FGF12: variants seen among roughly 807,000 people sequenced by gnomAD.
The protein encoded by FGF12 is fibroblast growth factor 12B.
A neutral mutation model predicts 23.6 loss-of-function variants in FGF12; 14 were observed. The observed-to-expected ratio is 0.59, with a 90% CI of 0.39 to 0.93. FGF12 has a LOEUF of 0.93. Ranked by LOEUF, FGF12 falls within the 40% of genes least tolerant of loss-of-function variation. FGF12 has a pLI of 0.00. For synonymous variants in FGF12, 62 were observed against 77.3 expected (o/e 0.80, Z 1.04); for missense variants, 175 against 217.8 (o/e 0.80, Z 1.24).
intron 2 of FGF12, among the ~76,000 whole-genome samples, chr3:192,592,846 C>A (rs1022011593): frequency 6.6e-6 from 1 of 151,740 alleles, no homozygotes; most frequent in African/African-American, 2.4e-5. Flanking sequence ...TATTTCCTGC[C>A]CATTAGGCAC....
chr3:192,488,020 T>C (rs1220717630), intron 2 of FGF12, among the ~76,000 whole-genome samples: 1 of 152,096 alleles, frequency 6.6e-6, no homozygotes, highest in African/African-American at 2.4e-5. Context: ...ACCATGCTCA[T>C]GCTTGCTGAC....
At chr3:192,228,064 T>G (rs1560200404) in intron 4 of FGF12, among the ~76,000 whole-genome samples, 1 of 152,034 alleles carries the variant, frequency 6.6e-6, no homozygotes. Context: ...GAGGAATAAG[T>G]TTTAGTGATC....
chr3:192,563,986 C>G (rs898448284), intron 2 of FGF12, among the ~76,000 whole-genome samples: 3 of 152,004 alleles, frequency 2.0e-5, no homozygotes, highest in Non-Finnish European at 4.4e-5. Flanking sequence ...TTCAACCTGT[C>G]CATATATTAG....
chr3:192,398,011 C>A lies in FGF12; in HGVS notation c.14-37473G>T, dbSNP rs112247684. Among the ~76,000 whole-genome samples the A allele has an allele frequency of 6.6e-5, 10 of 152,100 alleles. 1 individual carries two copies. The highest frequency in any genetic ancestry group is 1.9e-4 in the African/African-American group (8 of 41,474). ...CTTTATAATAACTTATACAACTTATCCGGGTTTATAGTTCTTCTTTCATGA... is the reference window on the plus strand; with the variant it reads ...CTTTATAATAACTTATACAACTTATACGGGTTTATAGTTCTTCTTTCATGA... On this transcript the variant is annotated intron_variant, in intron 2 of 5. Coordinates refer to ENST00000445105, the MANE Select transcript of FGF12 (RefSeq NM_004113.6).
At chr3:192,602,722 CAAAA>C (rs5855439) in intron 2 of FGF12, among the ~76,000 whole-genome samples, 331 of 125,682 alleles carry the variant, frequency 2.6e-3, no homozygotes, top group East Asian at 8.4e-3. Flanking sequence ...CACAAAGGCC[CAAAA>C]AAAAAAAAAA....
intron 2 of FGF12, among the ~76,000 whole-genome samples, chr3:192,725,473 T>C (rs6787477): frequency 0.072 from 10,928 of 152,178 alleles, 739 homozygotes; most frequent in East Asian, 0.19. Context: ...CCTTTCTGAA[T>C]TCAAAAGACT....
intron 2 of FGF12, among the ~76,000 whole-genome samples, chr3:192,625,654 T>C (rs890019690): frequency 2.0e-5 from 3 of 152,064 alleles, no homozygotes; most frequent in African/African-American, 4.8e-5. Flanking sequence ...AATCTCTATT[T>C]TCAGAAAATA....
chr3:192,462,916 G>A (rs754150976), intron 2 of FGF12, among the ~76,000 whole-genome samples: 71 of 152,166 alleles, frequency 4.7e-4, no homozygotes, highest in Admixed American at 1.8e-3. Context: ...AATGGCTTAC[G>A]AAAAGCTTTC....
At chr3:192,145,027 T>TGA in intron 5 of FGF12, among the ~76,000 whole-genome samples, 1 of 152,308 alleles carries the variant, frequency 6.6e-6, no homozygotes, top group African/African-American at 2.4e-5. Flanking sequence ...TAAACCATCA[T>TGA]TACAAAGATT....
intron 2 of FGF12, among the ~76,000 whole-genome samples, chr3:192,605,372 T>TC (rs1342487891): frequency 8.5e-6 from 1 of 117,124 alleles, no homozygotes; most frequent in East Asian, 2.5e-4. Flanking sequence ...AGAGGGAGAC[T>TC]CCGTCTCAAA....
chr3:192,409,786 G>C lies in FGF12; in HGVS notation c.14-49248C>G, dbSNP rs1474953455. Among the ~76,000 whole-genome samples the C allele has an allele frequency of 2.0e-5, 3 of 152,086 alleles. No homozygotes were observed. Among genetic ancestry groups the C allele is most frequent in the Middle Eastern group, 3.2e-3 (1 of 314 alleles). ...AGGCAGCCGAGGGCGCAACCCGGGC[G>C]CTTGGGGCCGGAGGCGGAATCAGGG... On this transcript the variant is annotated intron_variant, in intron 2 of 5. Transcript: ENST00000445105. This position sits in a 1 kb window ranked among gnomAD's most constrained non-coding sequence, Gnocchi z 4.8.
chr3:192,296,087 G>A (rs923772116), intron 4 of FGF12, among the ~76,000 whole-genome samples: 2 of 22,924 alleles, frequency 8.7e-5, no homozygotes, highest in South Asian at 2.0e-3. Context: ...TTTTTTTTTT[G>A]TGGAGACAGG....
intron 2 of FGF12, among the ~76,000 whole-genome samples, chr3:192,407,295 T>A (rs963707026): frequency 6.6e-6 from 1 of 152,330 alleles, no homozygotes; most frequent in East Asian, 1.9e-4. Flanking sequence ...ACTGTCTTGT[T>A]CCCTCAATGT....
intron 4 of FGF12, among the ~76,000 whole-genome samples, chr3:192,259,430 A>C (rs1407120318): frequency 6.6e-6 from 1 of 152,156 alleles, no homozygotes; most frequent in Non-Finnish European, 1.5e-5. Context: ...ATAAAATAGA[A>C]CAAAAAATGA....
chr3:192,671,800 C>CAT (rs1560189471), intron 2 of FGF12, among the ~76,000 whole-genome samples: 1 of 151,048 alleles, frequency 6.6e-6, no homozygotes, highest in Non-Finnish European at 1.5e-5. Flanking sequence ...CACACACACA[C>CAT]ACATACACAC....
chr3:192,248,813 G>C (rs1250342383), intron 4 of FGF12, among the ~76,000 whole-genome samples: 3 of 151,920 alleles, frequency 2.0e-5, no homozygotes, highest in Non-Finnish European at 4.4e-5. Context: ...AATCCTAAGA[G>C]TTAATTCTTT....
At chr3:192,637,871 T>G (rs1715642433) in intron 2 of FGF12, among the ~76,000 whole-genome samples, 1 of 152,142 alleles carries the variant, frequency 6.6e-6, no homozygotes, top group South Asian at 2.1e-4. Context: ...AAAGCACAAT[T>G]TGAAAATCAA....
chr3:192,449,752 C>G (rs1257139034), intron 2 of FGF12, among the ~76,000 whole-genome samples: 1 of 152,174 alleles, frequency 6.6e-6, no homozygotes, highest in Non-Finnish European at 1.5e-5. Flanking sequence ...AGGTTTCCAG[C>G]AAGTCTCAGA....
At chr3:192,206,586 ATCTACAT>A (rs1187184426) in intron 4 of FGF12, among the ~76,000 whole-genome samples, 2 of 152,194 alleles carry the variant, frequency 1.3e-5, no homozygotes, top group Non-Finnish European at 2.9e-5. Flanking sequence ...ACAGCACTCA[ATCTACAT>A]TAGTAAATGA....
Sources: gnomAD v4.1 joint callset for allele counts (sites outside exome capture counted in the v4.1 genomes callset) on GRCh38, gnomAD v4.1.1 for gene constraint, Gnocchi (gnomAD v3.1) non-coding constraint, MANE v1.5 for transcripts, NCBI Gene and HGNC (gene_info 2026-07-23, HGNC 2026-07-21) for gene names.